GPHN: variants seen among roughly 807,000 people sequenced by gnomAD.
GPHN encodes gephyrin.
Under a neutral mutation model 95.5 loss-of-function variants are expected in GPHN, and 17 were observed. The ratio of observed to expected loss-of-function variants is 0.18; its 90% CI spans 0.12 to 0.27. The LOEUF (loss-of-function observed/expected upper bound fraction) is 0.27, where lower values mean the gene tolerates loss of function less well. Among genes scored for constraint, GPHN ranks in the 10% least tolerant of loss-of-function variants. The probability of loss-of-function intolerance (pLI) is 1.00; values close to 1 mark genes in which losing one functional copy is unlikely to be tolerated. For synonymous variants in GPHN, 320 were observed against 322.5 expected (o/e 0.99, Z 0.08); for missense variants, 660 against 978.1 (o/e 0.67, Z 4.34).
chr14:67,471,860 G>A, the GPHN span: 1 of 152,382 alleles, frequency 6.6e-6, no homozygotes. Flanking sequence ...CCATAAAAAG[G>A]GGAAGGCTAA....
chr14:66,659,928 A>G (rs1482157364), intron 1 of GPHN, among the ~76,000 whole-genome samples: 3 of 151,904 alleles, frequency 2.0e-5, no homozygotes, highest in African/African-American at 7.2e-5. Flanking sequence ...TATCTGTAGG[A>G]GCTTAAGTCT....
At chr14:67,390,552 G>C in the GPHN span, 1 of 761,716 alleles carries the variant, frequency 1.3e-6, no homozygotes, top group Middle Eastern at 3.6e-4. Flanking sequence ...AGACTTTACG[G>C]CGGGTGCCAG....
intron 1 of GPHN, among the ~76,000 whole-genome samples, chr14:66,586,331 C>T (rs1187125500): frequency 2.0e-5 from 3 of 152,170 alleles, no homozygotes; most frequent in African/African-American, 7.2e-5. Flanking sequence ...TGGGTCTTGA[C>T]TCTGTATCCA....
Position 67,180,922 on chromosome 14 carries a change from C to T in GPHN, c.2295C>T (p.Val765=). 6.2e-7 allele frequency: 1 copy of T among 1,613,930 alleles called. No individual in the cohort carries two copies. Among genetic ancestry groups the T allele is most frequent in the South Asian group, 1.1e-5 (1 of 91,062 alleles). The change falls in exon 23 of 23, where the codon GTC becomes GTT. Residue 765 remains valine, a synonymous_variant. Coordinates refer to ENST00000478722, the MANE Select transcript of GPHN (RefSeq NM_020806.5). ...AAGGCGAGGTGGTGGATGTCATGGT[C>T]ATTGGACGGCTATGATGGTCACCAG... is the stretch of plus-strand genomic sequence containing the variant. ...LHKGEVVDVM[V]IGRL is the part of the protein sequence containing the mutation.
chr14:67,066,784 C>A (rs1486087737), intron 11 of GPHN, among the ~76,000 whole-genome samples: 1 of 152,142 alleles, frequency 6.6e-6, no homozygotes, highest in African/African-American at 2.4e-5. Context: ...TACATCAGGT[C>A]ACTTAAGGTC....
chr14:67,532,835 A>C, the GPHN span, among the ~76,000 whole-genome samples: 1 of 152,186 alleles, frequency 6.6e-6, no homozygotes, highest in Admixed American at 6.5e-5. Flanking sequence ...TGGCCAGGAG[A>C]ATGCTGGAAC....
rs575273852 is a variant in GPHN, at chr14:66,614,098, G to A, written c.65-67009G>A. ...TACCTTTGTTGTTATGTGCACAAAC[G>A]TTGGAGCTAGAATGCCTGTGGTCAA... is the stretch of plus-strand genomic sequence containing the variant. On this transcript the variant is annotated intron_variant, in intron 1 of 22. Coordinates refer to ENST00000478722, the MANE Select transcript of GPHN (RefSeq NM_020806.5). Among the ~76,000 whole-genome samples, 4 of 152,230 alleles carry A rather than the reference G, an allele frequency of 2.6e-5. No individual in the cohort carries two copies. In the Middle Eastern group the frequency reaches 0.01, roughly 388 times the overall value.
chr14:66,869,287 C>A (rs1288548943), intron 4 of GPHN, among the ~76,000 whole-genome samples: 1 of 152,154 alleles, frequency 6.6e-6, no homozygotes, highest in East Asian at 1.9e-4. Context: ...CTGTATTGTA[C>A]TAGCATATGT....
intron 1 of GPHN, among the ~76,000 whole-genome samples, chr14:66,641,463 TATA>T (rs1346335775): frequency 2.0e-5 from 3 of 152,182 alleles, no homozygotes; most frequent in Non-Finnish European, 2.9e-5. Flanking sequence ...ATGGATGTTT[TATA>T]ATAATAAAAG....
chr14:66,727,282 A>G (rs1027251244), intron 2 of GPHN, among the ~76,000 whole-genome samples: 31 of 152,222 alleles, frequency 2.0e-4, no homozygotes, highest in African/African-American at 7.2e-4. Context: ...TAAATTGCCC[A>G]GTCTCAGGTA....
chr14:66,718,367 A>G (rs8006995), intron 2 of GPHN, among the ~76,000 whole-genome samples: 47,800 of 151,896 alleles, frequency 0.31, 11,505 homozygotes, highest in African/African-American at 0.65. Flanking sequence ...GTTCCTCCCG[A>G]TGGGTTCGTG....
At chr14:66,699,749 A>G (rs1373403828) in intron 2 of GPHN, among the ~76,000 whole-genome samples, 1 of 152,200 alleles carries the variant, frequency 6.6e-6, no homozygotes, top group Non-Finnish European at 1.5e-5. Context: ...TAGAGAGAGA[A>G]AGGCTAAGAT....
chr14:67,707,442 T>A, the GPHN span, among the ~76,000 whole-genome samples: 347 of 152,238 alleles, frequency 2.3e-3, 2 homozygotes, highest in Middle Eastern at 0.027. Context: ...ATATATATAT[T>A]TTTTGAGATG....
At chr14:66,956,816 G>A (rs2068540789) in intron 8 of GPHN, among the ~76,000 whole-genome samples, 1 of 151,892 alleles carries the variant, frequency 6.6e-6, no homozygotes, top group Admixed American at 6.6e-5. Context: ...CCTTTGTAGG[G>A]ATATGGATGA....
chr14:66,665,994 C>T (rs1033061788), intron 1 of GPHN, among the ~76,000 whole-genome samples: 11 of 151,626 alleles, frequency 7.3e-5, no homozygotes, highest in Admixed American at 2.6e-4. Context: ...AGTAAACTAT[C>T]GCAAGGACAA....
chr14:66,744,995 T>C (rs558491569), intron 2 of GPHN, among the ~76,000 whole-genome samples: 42 of 152,134 alleles, frequency 2.8e-4, no homozygotes, highest in Non-Finnish European at 2.9e-4. Context: ...ACTTACACTT[T>C]AGTTAGAAGG....
At chr14:67,247,019 G>T in the GPHN span, among the ~76,000 whole-genome samples, 49 of 152,202 alleles carry the variant, frequency 3.2e-4, no homozygotes, top group African/African-American at 7.5e-4. Context: ...TTTCAAAATT[G>T]TTATGACTAT....
chr14:66,828,923 T>C (rs2061479916), intron 4 of GPHN, among the ~76,000 whole-genome samples: 1 of 149,938 alleles, frequency 6.7e-6, no homozygotes, highest in African/African-American at 2.5e-5. Flanking sequence ...TCATAGAATA[T>C]GGTTCATCTG....
intron 2 of GPHN, among the ~76,000 whole-genome samples, chr14:66,697,387 A>G (rs932588570): frequency 7.2e-5 from 11 of 152,204 alleles, no homozygotes; most frequent in Non-Finnish European, 1.3e-4. Flanking sequence ...GAGAAAGCCA[A>G]TGGGAAAAGT....
Sources: gnomAD v4.1 joint callset for allele counts (sites outside exome capture counted in the v4.1 genomes callset) on GRCh38, gnomAD v4.1.1 for gene constraint, MANE v1.5 for transcripts, NCBI Gene and HGNC (gene_info 2026-07-23, HGNC 2026-07-21) for gene names.